Variants in DPP6 observed in about 807,000 individuals in gnomAD.
The protein encoded by DPP6 is dipeptidyl peptidase like 6.
DPP6 carries 69 observed loss-of-function variants against 122.6 expected under a neutral mutation model. The observed-to-expected ratio is 0.56, with a 90% CI of 0.46 to 0.69. The LOEUF is 0.69. DPP6 is among the 30% of genes least tolerant of loss of function. The pLI is 0.00. For synonymous variants in DPP6, 418 were observed against 433.1 expected (o/e 0.97, Z 0.43); for missense variants, 928 against 1,116.9 (o/e 0.83, Z 2.41).
chr7:154,801,958 C>T (rs557022200), intron 13 of DPP6, among the ~76,000 whole-genome samples: 1 of 152,048 alleles, frequency 6.6e-6, no homozygotes, highest in Non-Finnish European at 1.5e-5. Flanking sequence ...CTGGCGAGTT[C>T]GGAATGGAGC....
chr7:154,239,851 G>A (rs1801464962), intron 1 of DPP6, among the ~76,000 whole-genome samples: 3 of 150,870 alleles, frequency 2.0e-5, no homozygotes, highest in African/African-American at 4.9e-5. Context: ...GAAAAGCCAG[G>A]CATGGTGTTT....
At chr7:154,099,124 T>C (rs926648031) in intron 1 of DPP6, among the ~76,000 whole-genome samples, 1 of 152,214 alleles carries the variant, frequency 6.6e-6, no homozygotes, top group Non-Finnish European at 1.5e-5. Context: ...GTTTGCTCCA[T>C]GTAAGGATAG....
the DPP6 span, among the ~76,000 whole-genome samples, chr7:153,877,774 T>C: frequency 6.6e-6 from 1 of 152,170 alleles, no homozygotes; most frequent in Non-Finnish European, 1.5e-5. Context: ...AGATTGAATT[T>C]TTAAAAATCA....
intron 1 of DPP6, among the ~76,000 whole-genome samples, chr7:154,006,739 G>A (rs2533547): frequency 6.6e-6 from 1 of 152,224 alleles, no homozygotes; most frequent in Non-Finnish European, 1.5e-5. Context: ...ATAAGCTAAT[G>A]TACAGGGAGC....
intron 17 of DPP6, among the ~76,000 whole-genome samples, chr7:154,860,982 T>A (rs372398246): frequency 6.9e-6 from 1 of 144,428 alleles, no homozygotes; most frequent in African/African-American, 2.7e-5. Context: ...AAAAAGATGA[T>A]GAAGGAAAGT....
intron 1 of DPP6, among the ~76,000 whole-genome samples, chr7:154,176,077 TC>T (rs1797789295): frequency 6.6e-6 from 1 of 152,206 alleles, no homozygotes; most frequent in Admixed American, 6.5e-5. Flanking sequence ...TATTTTGTGT[TC>T]ATGGAATAGG....
intron 22 of DPP6, among the ~76,000 whole-genome samples, chr7:154,886,276 TG>T (rs1294053005): frequency 6.6e-6 from 1 of 152,158 alleles, no homozygotes; most frequent in African/African-American, 2.4e-5. Context: ...GCCATGCAAA[TG>T]GCACCTGGTC....
intron 18 of DPP6, among the ~76,000 whole-genome samples, chr7:154,869,801 T>C (rs1804227356): frequency 6.6e-6 from 1 of 152,152 alleles, no homozygotes; most frequent in Admixed American, 6.5e-5. Context: ...AGTCAGAACA[T>C]TCTGGAATTT....
chr7:154,336,276 T>G (rs979316613), intron 1 of DPP6, among the ~76,000 whole-genome samples: 2 of 152,048 alleles, frequency 1.3e-5, no homozygotes, highest in African/African-American at 4.8e-5. Context: ...TGATAGACCG[T>G]GGAACTGCAG....
At chr7:154,752,863 G>A (rs1440056510) in intron 8 of DPP6, among the ~76,000 whole-genome samples, 1 of 152,142 alleles carries the variant, frequency 6.6e-6, no homozygotes, top group African/African-American at 2.4e-5. Context: ...TAAGACCAAG[G>A]GAAAGACATG....
At chr7:154,414,903 G>A (rs1449534329) in intron 1 of DPP6, among the ~76,000 whole-genome samples, 1 of 152,186 alleles carries the variant, frequency 6.6e-6, no homozygotes, top group African/African-American at 2.4e-5. Flanking sequence ...AGCCTCTGAA[G>A]TCACACACTG....
chr7:153,826,872 G>T, the DPP6 span, among the ~76,000 whole-genome samples: 1 of 151,508 alleles, frequency 6.6e-6, no homozygotes, highest in Non-Finnish European at 1.5e-5. Flanking sequence ...ACATATATAT[G>T]CATACATATA....
intron 3 of DPP6, among the ~76,000 whole-genome samples, chr7:154,532,475 G>A (rs899930243): frequency 6.6e-5 from 10 of 151,474 alleles, no homozygotes; most frequent in African/African-American, 2.4e-4. Flanking sequence ...AAAGAAGGAA[G>A]GAATAACAAA....
the DPP6 span, among the ~76,000 whole-genome samples, chr7:153,866,489 T>G: frequency 6.6e-6 from 1 of 152,352 alleles, no homozygotes; most frequent in Non-Finnish European, 1.5e-5. Flanking sequence ...TGCCCACTTT[T>G]TGATGGGGTT....
At chr7:154,738,493 A>G (rs1842671344) in intron 8 of DPP6, among the ~76,000 whole-genome samples, 1 of 152,216 alleles carries the variant, frequency 6.6e-6, no homozygotes, top group East Asian at 1.9e-4. Flanking sequence ...TCAGAAATAA[A>G]TAAAACGTTC....
intron 7 of DPP6, among the ~76,000 whole-genome samples, chr7:154,695,163 C>T (rs1200293590): frequency 2.6e-5 from 4 of 152,196 alleles, no homozygotes; most frequent in Non-Finnish European, 4.4e-5. Flanking sequence ...TTTGGGGTAG[C>T]AGCCAGACTT....
the DPP6 span, among the ~76,000 whole-genome samples, chr7:153,811,675 T>A: frequency 3.9e-5 from 6 of 152,052 alleles, no homozygotes; most frequent in Non-Finnish European, 8.8e-5. Context: ...CAATTCCTCA[T>A]TTTACAGACC....
chr7:154,594,001 A>G (rs1030148349), intron 5 of DPP6, among the ~76,000 whole-genome samples: 2 of 152,208 alleles, frequency 1.3e-5, no homozygotes, highest in African/African-American at 4.8e-5. Flanking sequence ...CAGAAGAACC[A>G]TGAGGAGCTC....
At chr7:154,164,990 G>A (rs1296818050) in intron 1 of DPP6, among the ~76,000 whole-genome samples, 3 of 148,786 alleles carry the variant, frequency 2.0e-5, no homozygotes, top group Non-Finnish European at 4.4e-5. Context: ...TAGCCATTTT[G>A]TACTTTTTTT....
Sources: gnomAD v4.1 joint callset for allele counts (sites outside exome capture counted in the v4.1 genomes callset) on GRCh38, gnomAD v4.1.1 for gene constraint, MANE v1.5 for transcripts, NCBI Gene and HGNC (gene_info 2026-07-23, HGNC 2026-07-21) for gene names.